The following ITGA9 variants were observed in gnomAD, a reference collection of about 807,000 sequenced individuals.
ITGA9 encodes integrin alpha-9.
In ITGA9, 56 loss-of-function variants were observed where a neutral mutation model predicts 127.8. The observed-to-expected ratio is 0.44, with a 90% CI of 0.35 to 0.55. The LOEUF (loss-of-function observed/expected upper bound fraction) is 0.55, where lower values mean the gene tolerates loss of function less well. ITGA9 is among the 20% of genes least tolerant of loss of function. ITGA9 has a pLI of 0.00. For synonymous variants in ITGA9, 508 were observed against 514.5 expected (o/e 0.99, Z 0.17); for missense variants, 1,196 against 1,347.1 (o/e 0.89, Z 1.76).
At chr3:37,608,918 T>G (rs1184306316) in intron 15 of ITGA9, among the ~76,000 whole-genome samples, 2 of 152,120 alleles carry the variant, frequency 1.3e-5, no homozygotes, top group African/African-American at 4.8e-5. Context: ...AACTCCAGAT[T>G]CCTTGCACTG....
chr3:37,759,931 A>G (rs1696703649), intron 23 of ITGA9, among the ~76,000 whole-genome samples: 1 of 142,274 alleles, frequency 7.0e-6, no homozygotes, highest in African/African-American at 2.6e-5. Context: ...TAAATAAAAG[A>G]AAGTTAAACA....
chr3:37,618,925 C>T (rs1700101364), intron 15 of ITGA9, among the ~76,000 whole-genome samples: 1 of 152,124 alleles, frequency 6.6e-6, no homozygotes, highest in African/African-American at 2.4e-5. Context: ...GAGGTGATGC[C>T]TCGCCCTGCT....
chr3:37,595,685 C>T (rs944212230), intron 15 of ITGA9, among the ~76,000 whole-genome samples: 12 of 152,178 alleles, frequency 7.9e-5, no homozygotes, highest in East Asian at 3.9e-4. Context: ...ATTCCTTTCC[C>T]GGCGTGGTGT....
chr3:37,751,643 A>T (rs554499263), intron 23 of ITGA9, among the ~76,000 whole-genome samples: 1 of 152,140 alleles, frequency 6.6e-6, no homozygotes, highest in East Asian at 1.9e-4. Context: ...ACTGGAAGGG[A>T]CTTGGGCTCA....
Position 37,644,394 on chromosome 3 carries a change from A to G in ITGA9, c.1840-9320A>G, listed in dbSNP as rs563323488. Among the ~76,000 whole-genome samples the G allele has an allele frequency of 5.9e-4, 90 of 152,350 alleles. 3 individuals are homozygous for G. The highest frequency in any genetic ancestry group is 3.4e-3 in the Middle Eastern group (1 of 294). Reference sequence around the variant, plus strand: ...TAAGTGGGAGCTAAATAATGTGTCCACATAGAAGCAGATTGTGGGATGATG... The same window carrying G: ...TAAGTGGGAGCTAAATAATGTGTCCGCATAGAAGCAGATTGTGGGATGATG... On this transcript the variant is annotated intron_variant, in intron 16 of 27. Coordinates refer to ENST00000264741, the MANE Select transcript of ITGA9 (RefSeq NM_002207.3).
chr3:37,739,404 T>G (rs1347132225), intron 20 of ITGA9, among the ~76,000 whole-genome samples: 1 of 152,238 alleles, frequency 6.6e-6, no homozygotes, highest in Non-Finnish European at 1.5e-5. Context: ...GAAGATATGG[T>G]CTGACTGCCC....
chr3:37,732,971 G>C, intron 19 of ITGA9, 173 bp downstream of exon 19: 1 of 665,906 alleles, frequency 1.5e-6, no homozygotes, highest in Admixed American at 2.1e-5. Flanking sequence ...GTACACCGGG[G>C]TATACTCCGG....
Position 37,611,823 on chromosome 3 carries a change from C to T in ITGA9, c.1690-17364C>T, listed in dbSNP as rs72857234. ...GGCCTGCCCTGGGAAGGTCAGGATT[C>T]TTCTGTAAAAGCAGAGAACACTGCA... On this transcript the variant is annotated intron_variant, in intron 15 of 27. Transcript: ENST00000264741. Among the ~76,000 whole-genome samples, 324 of 152,204 alleles carry T rather than the reference C, an allele frequency of 2.1e-3. 1 individual carries two copies. The highest frequency in any genetic ancestry group is 7.3e-3 in the African/African-American group (305 of 41,532).
chr3:37,708,983 C>T (rs969284633), intron 18 of ITGA9, among the ~76,000 whole-genome samples: 8 of 151,624 alleles, frequency 5.3e-5, no homozygotes, highest in African/African-American at 2.0e-4. Flanking sequence ...ATCCCAGCAC[C>T]ACTTAATATG....
intron 5 of ITGA9, among the ~76,000 whole-genome samples, chr3:37,498,498 G>A (rs941555392): frequency 8.5e-5 from 13 of 152,214 alleles, no homozygotes; most frequent in African/African-American, 2.4e-4. Context: ...GGCGGGGCAG[G>A]AGTGTGGAGG....
rs573004934 is a variant in ITGA9 at position 37,632,189 on chromosome 3, A to T, written c.1839+2853A>T. 3.9e-5 allele frequency among the ~76,000 whole-genome samples: 6 copies of T among 152,346 alleles called. No individual in the cohort carries two copies. The South Asian group carries it at 6.2e-4, about 16-fold the overall frequency. On this transcript the variant is annotated intron_variant, in intron 16 of 27. Coordinates refer to ENST00000264741, the MANE Select transcript of ITGA9 (RefSeq NM_002207.3). ...TTTAGGGAATATAAGAGATTATTTT[A>T]AAAAATTTTAAAAATGCAACACCTT...
In ITGA9 at chr3:37,592,346, C is replaced by G. The variant is rs1300793738; in HGVS notation, c.1690-36841C>G. On this transcript the variant is annotated intron_variant, in intron 15 of 27. Transcript: ENST00000264741. Reference sequence around the variant, plus strand: ...AGGTAGCTTCCTCCACGTGGTGATTCTGGGACTGCAGTTGCTTTCCATTGC... The same window carrying G: ...AGGTAGCTTCCTCCACGTGGTGATTGTGGGACTGCAGTTGCTTTCCATTGC... Among the ~76,000 whole-genome samples the G allele has an allele frequency of 4.6e-5, 7 of 152,252 alleles. No individual in the cohort carries two copies. The East Asian group carries it at 5.8e-4, about 13-fold the overall frequency.
At chr3:37,501,598 A>G (rs1393155945) in intron 5 of ITGA9, among the ~76,000 whole-genome samples, 1 of 151,734 alleles carries the variant, frequency 6.6e-6, no homozygotes, top group African/African-American at 2.4e-5. Context: ...CCTCCTCTTT[A>G]CTCCAGGTAC....
intron 17 of ITGA9, among the ~76,000 whole-genome samples, chr3:37,681,984 C>T (rs1035248102): frequency 1.4e-4 from 22 of 152,178 alleles, no homozygotes; most frequent in Non-Finnish European, 2.5e-4. Flanking sequence ...TCCAGCCAGG[C>T]GAGAACAGTC....
intron 20 of ITGA9, among the ~76,000 whole-genome samples, chr3:37,740,573 C>G (rs1212168797): frequency 6.6e-6 from 1 of 152,118 alleles, no homozygotes; most frequent in Non-Finnish European, 1.5e-5. Flanking sequence ...TCTGACTGAG[C>G]TGGTTGGAAT....
chr3:37,765,604 A>G (rs1410102389), intron 23 of ITGA9, among the ~76,000 whole-genome samples: 1 of 152,236 alleles, frequency 6.6e-6, no homozygotes, highest in Non-Finnish European at 1.5e-5. Context: ...GAGATGGCTG[A>G]TTGAATTCTG....
chr3:37,614,352 GT>G (rs1311235429), intron 15 of ITGA9, among the ~76,000 whole-genome samples: 2 of 152,070 alleles, frequency 1.3e-5, no homozygotes, highest in Non-Finnish European at 2.9e-5. Flanking sequence ...GTACCATGCT[GT>G]TTTGGTTACT....
At chr3:37,602,673 C>T (rs1699932830) in intron 15 of ITGA9, among the ~76,000 whole-genome samples, 2 of 152,190 alleles carry the variant, frequency 1.3e-5, no homozygotes, top group African/African-American at 4.8e-5. Flanking sequence ...TTCATCCTGT[C>T]ATTGTAAATA....
At chr3:37,572,045 A>G (rs1452282254) in intron 15 of ITGA9, among the ~76,000 whole-genome samples, 2 of 152,042 alleles carry the variant, frequency 1.3e-5, no homozygotes, top group Non-Finnish European at 2.9e-5. Context: ...GTTTTGTCTC[A>G]GGATTTCAGC....
Sources: allele counts gnomAD v4.1 joint callset (sites outside exome capture counted in the v4.1 genomes callset), GRCh38; gene constraint gnomAD v4.1.1; transcripts MANE v1.5; gene names NCBI Gene and HGNC (gene_info 2026-07-23, HGNC 2026-07-21).